The following COL19A1 variants were observed in gnomAD, a reference collection of about 807,000 sequenced individuals.
COL19A1 encodes collagen type XIX alpha 1 chain.
In COL19A1, 159 loss-of-function variants were observed where a neutral mutation model predicts 190.2. The observed-to-expected ratio is 0.84, with a 90% CI of 0.73 to 0.95. The LOEUF is 0.95. Ranked by LOEUF, COL19A1 falls within the 40% of genes least tolerant of loss-of-function variation. COL19A1 has a pLI of 0.00. For missense variants in COL19A1, 1,418 were observed against 1,431.9 expected, an observed-to-expected ratio of 0.99 and a Z score of 0.16; for synonymous variants, 509 against 458.9, an observed-to-expected ratio of 1.11 and a Z score of -1.39.
chr6:70,042,603 T>C lies in COL19A1; in HGVS notation c.1170+6664T>C, dbSNP rs189432671. 2.5e-4 allele frequency among the ~76,000 whole-genome samples: 38 copies of C among 152,220 alleles called. 1 individual carries two copies. Among genetic ancestry groups the C allele is most frequent in the Admixed American group, 2.2e-3 (34 of 15,300 alleles). On this transcript the variant is annotated intron_variant, in intron 14 of 50. Coordinates refer to ENST00000620364, the MANE Select transcript of COL19A1 (RefSeq NM_001858.6). Reference sequence around the variant, plus strand: ...GGGTGGCTGTGGTAATTTCCTAAAATAAGACAAAAATGAAGTTTGCCACCT... The same window carrying C: ...GGGTGGCTGTGGTAATTTCCTAAAACAAGACAAAAATGAAGTTTGCCACCT...
At position 69,879,669 on chromosome 6, in the gene COL19A1, C is replaced by G; in HGVS notation, c.91+11C>G. On this transcript the variant is annotated intron_variant, in intron 2 of 50. Coordinates refer to ENST00000620364, the MANE Select transcript of COL19A1 (RefSeq NM_001858.6). ...TTAGGGACAAGACAGGTATCCAGGC[C>G]AACTCTTTGCCTAATCACCAAATGT... 6.2e-7 allele frequency: 1 copy of G among 1,611,610 alleles called. No homozygotes were observed. The highest frequency in any genetic ancestry group is 1.1e-5 in the South Asian group (1 of 90,998).
At chr6:69,867,769 A>T (rs1767565963) in intron 1 of COL19A1, 1 of 152,530 alleles carries the variant, frequency 6.6e-6, no homozygotes, top group African/African-American at 2.4e-5. Context: ...GAAGAGGCAG[A>T]GGGGACCAGC....
chr6:70,001,810 C>A (rs1460637515), intron 11 of COL19A1, among the ~76,000 whole-genome samples: 2 of 152,110 alleles, frequency 1.3e-5, no homozygotes, highest in African/African-American at 2.4e-5. Context: ...ATGTCATCTG[C>A]AAACAGAAAA....
At chr6:70,202,179 C>T (rs770011039) in intron 49 of COL19A1, among the ~76,000 whole-genome samples, 23 of 152,300 alleles carry the variant, frequency 1.5e-4, no homozygotes, top group Admixed American at 3.3e-4. Flanking sequence ...CTGAATGTGA[C>T]ACAGTGTGTT....
In COL19A1 at chr6:70,034,254, G is replaced by C. The variant is rs1265682849; in HGVS notation, c.1090G>C (p.Gly364Arg). 2 of 1,612,066 alleles carry C rather than the reference G, an allele frequency of 1.2e-6. No homozygotes were observed. Among genetic ancestry groups the C allele is most frequent in the East Asian group, 4.5e-5 (2 of 44,860 alleles). ...AGLNGENGLK[G>R]DLGPHGPPGP... ...TATATTCTTTCTACAGGGTTTGAAA[G>C]GTGACTTGGGTCCTCATGGTCCACC... The change falls in exon 13 of 51, where the codon GGT becomes CGT. Residue 364 changes from glycine to arginine, a missense_variant. Gly to Arg is a moderately radical substitution (Grantham distance 125). Coordinates refer to ENST00000620364, the MANE Select transcript of COL19A1 (RefSeq NM_001858.6).
rs55871207 is a variant in COL19A1, at chr6:70,055,781, T to TAAAAAAA, written c.1171-12624_1171-12618dup. ...TGGGAGACAGAGCAAAACTCTGTAT[T>TAAAAAAA]AAAAAAAAAAAAAAAAAAAAAAAAT... On this transcript the variant is annotated intron_variant, in intron 14 of 50. Transcript: ENST00000620364. Among the ~76,000 whole-genome samples, 219 of 117,356 alleles carry TAAAAAAA rather than the reference T, an allele frequency of 1.9e-3. 4 individuals carry two copies. Among genetic ancestry groups the TAAAAAAA allele is most frequent in the African/African-American group, 7.3e-3 (211 of 29,000 alleles). 77.0% of individuals were successfully genotyped at this position (117,356 alleles called of 152,430 possible).
At chr6:70,107,333 G>A (rs1367031031) in intron 16 of COL19A1, among the ~76,000 whole-genome samples, 2 of 152,078 alleles carry the variant, frequency 1.3e-5, no homozygotes, top group Admixed American at 6.6e-5. Context: ...ATAGGATGGC[G>A]GTGAGGAACT....
intron 2 of COL19A1, among the ~76,000 whole-genome samples, chr6:69,894,684 A>G (rs1769594550): frequency 6.6e-6 from 1 of 152,216 alleles, no homozygotes; most frequent in Admixed American, 6.5e-5. Context: ...ATATCAAACC[A>G]GAAAGAAACT....
intron 44 of COL19A1, among the ~76,000 whole-genome samples, chr6:70,181,435 C>T (rs1175850801): frequency 1.3e-5 from 2 of 152,030 alleles, no homozygotes; most frequent in Non-Finnish European, 2.9e-5. Flanking sequence ...ATGGGAGGTA[C>T]TCAATAATAT....
At chr6:69,870,108 G>T (rs1439497495) in intron 1 of COL19A1, among the ~76,000 whole-genome samples, 1 of 151,984 alleles carries the variant, frequency 6.6e-6, no homozygotes, top group Non-Finnish European at 1.5e-5. Flanking sequence ...CAGATGTTAA[G>T]CCCATACCTG....
At chr6:69,876,072 T>C (rs929903057) in intron 1 of COL19A1, among the ~76,000 whole-genome samples, 1 of 152,122 alleles carries the variant, frequency 6.6e-6, no homozygotes, top group Non-Finnish European at 1.5e-5. Context: ...AATTGTCGGC[T>C]ATTGGAGGTG....
chr6:70,004,566 C>A (rs1777493068), intron 11 of COL19A1, among the ~76,000 whole-genome samples: 1 of 152,062 alleles, frequency 6.6e-6, no homozygotes, highest in African/African-American at 2.4e-5. Flanking sequence ...AGGCTTTGTT[C>A]ATTCCTTTTC....
intron 4 of COL19A1, among the ~76,000 whole-genome samples, chr6:69,921,420 T>TATATATCATATATC (rs1428843214): frequency 8.7e-6 from 1 of 115,454 alleles, no homozygotes; most frequent in African/African-American, 4.1e-5. Flanking sequence ...TCATATATCA[T>TATATATCATATATC]ATATATCATA....
chr6:70,111,575 T>A (rs1784288347), intron 16 of COL19A1, among the ~76,000 whole-genome samples: 1 of 152,152 alleles, frequency 6.6e-6, no homozygotes, highest in South Asian at 2.1e-4. Flanking sequence ...GGAAAAACAT[T>A]CTATGGGATT....
intron 3 of COL19A1, among the ~76,000 whole-genome samples, chr6:69,899,920 G>C (rs1770054411): frequency 6.6e-6 from 1 of 152,088 alleles, no homozygotes. Flanking sequence ...TCTAACTTTA[G>C]ACATGAGAGC....
chr6:70,074,749 CATT>C (rs139470616), intron 15 of COL19A1, among the ~76,000 whole-genome samples: 8,202 of 148,472 alleles, frequency 0.055, 721 homozygotes, highest in African/African-American at 0.2. Context: ...GTTAGTTTCA[CATT>C]ATAACAGGTG....
rs1055505814 is a variant in COL19A1 at position 70,211,006 on chromosome 6, G to A, written c.*3732G>A. ...CTCATATTTTAGTGATCAATATGAA[G>A]ACAGCTAAATAATTATCCTACTTTT... On this transcript the variant is annotated 3_prime_UTR_variant, in exon 51 of 51. Coordinates refer to ENST00000620364, the MANE Select transcript of COL19A1 (RefSeq NM_001858.6). 6.6e-6 allele frequency among the ~76,000 whole-genome samples: 1 copy of A among 151,690 alleles called. No homozygotes were observed. Among genetic ancestry groups the A allele is most frequent in the African/African-American group, 2.4e-5 (1 of 41,270 alleles).
chr6:70,152,445 G>T (rs1276660274), intron 31 of COL19A1, among the ~76,000 whole-genome samples: 2 of 151,950 alleles, frequency 1.3e-5, no homozygotes, highest in Non-Finnish European at 2.9e-5. Context: ...GTGTAAATAT[G>T]AATATAAATA....
chr6:70,104,669 A>G (rs918891639), intron 16 of COL19A1, among the ~76,000 whole-genome samples: 1 of 152,224 alleles, frequency 6.6e-6, no homozygotes, highest in Non-Finnish European at 1.5e-5. Flanking sequence ...AACAGAGAAC[A>G]CATTGTAAGA....
Sources: allele counts gnomAD v4.1 joint callset (sites outside exome capture counted in the v4.1 genomes callset), GRCh38; gene constraint gnomAD v4.1.1; transcripts MANE v1.5; gene names NCBI Gene and HGNC (gene_info 2026-07-23, HGNC 2026-07-21).